The following CELA1 variants were observed in gnomAD, a reference collection of about 807,000 sequenced individuals.
CELA1 encodes the protein chymotrypsin-like elastase family member 1.
In CELA1, 28 loss-of-function variants were observed where a neutral mutation model predicts 34.8. The ratio of observed to expected loss-of-function variants is 0.80; its 90% CI spans 0.60 to 1.10. CELA1 has a LOEUF of 1.10. CELA1 is among the 50% of genes least tolerant of loss of function. The pLI, the probability that CELA1 is intolerant of heterozygous loss-of-function variation, is 0.00. For missense variants in CELA1, 288 were observed against 327.5 expected (o/e 0.88, Z 0.93); for synonymous variants, 140 against 129.8 (o/e 1.08, Z -0.53).
intron 2 of CELA1, among the ~76,000 whole-genome samples, chr12:51,344,449 T>A (rs967404999): frequency 1.3e-5 from 2 of 152,206 alleles, no homozygotes; most frequent in Admixed American, 1.3e-4. Flanking sequence ...TCCTAGCACA[T>A]TGGGAGGCCA....
At position 51,342,674 on chromosome 12, in the gene CELA1, C is replaced by G; in HGVS notation, c.227G>C (p.Gly76Ala). The G allele has an allele frequency of 6.2e-7, 1 of 1,614,178 alleles. No homozygotes were observed. Among genetic ancestry groups the G allele is most frequent in the Non-Finnish European group, 8.5e-7 (1 of 1,180,014 alleles). ...DYQKTFRVVAGDHNLSQNDGT... is the reference protein window; with the variant it reads ...DYQKTFRVVAADHNLSQNDGT... The stretch of plus-strand genomic sequence containing the variant: ...ATCATTCTGGCTCAGGTTATGGTCT[C>G]CAGCCACCACGCGGAAAGTCTTCTG... The change falls in exon 4 of 8, where the codon GGA (glycine) becomes GCA (alanine). Residue 76 changes from glycine (G) to alanine (A), a missense_variant. Transcript: ENST00000293636.
Position 51,342,707 on chromosome 12 carries a change from TGA to T in CELA1, c.201-9_201-8del, listed in dbSNP as rs1200639076. Reference sequence around the variant, plus strand: ...CACGCGGAAAGTCTTCTGGCTGGCGTGAGAGAAGGAATCCCTGAGTCATCCAG... The same window carrying T: ...CACGCGGAAAGTCTTCTGGCTGGCGTGAGAAGGAATCCCTGAGTCATCCAG... On this transcript the variant is annotated splice_polypyrimidine_tract_variant and splice_region_variant and intron_variant, in intron 3 of 7. Coordinates refer to ENST00000293636, the MANE Select transcript of CELA1 (RefSeq NM_001971.6). 5 of 1,613,908 alleles carry T rather than the reference TGA, an allele frequency of 3.1e-6. No individual in the cohort carries two copies. Among genetic ancestry groups the T allele is most frequent in the Non-Finnish European group, 4.2e-6 (5 of 1,179,930 alleles).
chr12:51,328,704 G>T, intron 7 of CELA1, 110 bp from the exon 8 acceptor site: 1 of 1,249,616 alleles, frequency 8.0e-7, no homozygotes, highest in Non-Finnish European at 1.2e-6. Context: ...ATGGGAAGTT[G>T]ACAGGGTGTG....
In CELA1 at chr12:51,329,720, G is replaced by A. The variant is rs765235355; in HGVS notation, c.723C>T (p.Phe241=). 48 of 1,613,736 alleles carry A rather than the reference G, an allele frequency of 3.0e-5. No homozygotes were observed. Among genetic ancestry groups the A allele is most frequent in the Non-Finnish European group, 4.0e-5 (47 of 1,179,936 alleles). The change falls in exon 7 of 8, where the codon TTC becomes TTT. Residue 241 remains phenylalanine, a synonymous_variant. Transcript: ENST00000293636. The stretch of plus-strand genomic sequence containing the variant: ...AGGAGATGTAAGCAGAGACCTGGGT[G>A]AAGACTGTAGGCTTCCTGGAGACAT... ...GCNVSRKPTV[F]TQVSAYISWI...
intron 4 of CELA1, among the ~76,000 whole-genome samples, 158 bp downstream of exon 4, chr12:51,342,417 C>T (rs1287640763): frequency 6.6e-6 from 1 of 152,242 alleles, no homozygotes; most frequent in Non-Finnish European, 1.5e-5. Context: ...CTCTCAGGCT[C>T]AGCTGGGCTC....
In CELA1 at chr12:51,339,952, A is replaced by G. The variant is rs761756027; in HGVS notation, c.517T>C (p.Tyr173His). The G allele has an allele frequency of 1.9e-6, 3 of 1,614,172 alleles. No homozygotes were observed. The East Asian group carries it at 6.7e-5, about 36-fold the overall frequency. Residue 173 changes from tyrosine to histidine, a missense_variant, in exon 6 of 8, where the codon TAC (tyrosine) becomes CAC (histidine). Transcript: ENST00000293636. ...TAGGAGGAGCTGGAGCAGATGGCGT[A>G]GTCCACAGAGGGCAGGTAAGCCTGC... ...LQQAYLPSVD[Y>H]AICSSSSYWG...
chr12:51,333,274 A>C (rs763995879), intron 6 of CELA1, among the ~76,000 whole-genome samples: 1 of 151,662 alleles, frequency 6.6e-6, no homozygotes, highest in Non-Finnish European at 1.5e-5. Context: ...TTGCATTTTT[A>C]GTAGAGATGG....
chr12:51,345,834 G>A lies in CELA1; in HGVS notation c.60C>T (p.Val20=), dbSNP rs181750918. 497 of 1,559,566 alleles carry A rather than the reference G, an allele frequency of 3.2e-4. No individual in the cohort carries two copies. The highest frequency in any genetic ancestry group is 4.2e-4 in the Non-Finnish European group (479 of 1,150,924). ...QDLPETNARV[V]GGTEAGRNSW... ...AATTCCTCCCGGCCTCAGTCCCTCC[G>A]ACTACGCGGGCATTGGTTTCCGGAA... The change falls in exon 2 of 8, where the codon GTC becomes GTT. Residue 20 remains valine (V), a synonymous_variant. Coordinates refer to ENST00000293636, the MANE Select transcript of CELA1 (RefSeq NM_001971.6).
intron 7 of CELA1, among the ~76,000 whole-genome samples, chr12:51,329,281 C>A (rs1459463129): frequency 1.3e-5 from 2 of 149,474 alleles, no homozygotes; most frequent in Admixed American, 6.7e-5. Context: ...AAAGTTAGAG[C>A]AAATTATCAT....
At position 51,328,529 on chromosome 12, in the gene CELA1, G is replaced by A. The variant is rs1318830055; in HGVS notation, c.*48C>T. 5 of 1,604,364 alleles carry A rather than the reference G, an allele frequency of 3.1e-6. No individual in the cohort carries two copies. The highest frequency in any genetic ancestry group is 3.4e-6 in the Non-Finnish European group (4 of 1,171,214). On this transcript the variant is annotated 3_prime_UTR_variant, in exon 8 of 8. Coordinates refer to ENST00000293636, the MANE Select transcript of CELA1 (RefSeq NM_001971.6). ...TTACTTTTTGATCGCAAGTCCTACT[G>A]CAGATCTAAGAACCATTTTGGGAAG...
chr12:51,345,769 G>C (rs1175845666), intron 2 of CELA1, 26 bp downstream of exon 2: 1 of 1,514,520 alleles, frequency 6.6e-7, no homozygotes, highest in African/African-American at 1.4e-5. Context: ...TTGGGTGGAA[G>C]TCTGGGGCTG....
intron 6 of CELA1, among the ~76,000 whole-genome samples, chr12:51,330,346 T>C (rs1946462771): frequency 6.6e-6 from 1 of 152,212 alleles, no homozygotes; most frequent in Non-Finnish European, 1.5e-5. Context: ...AGTGATGTAT[T>C]AGGTCACATG....
chr12:51,340,050 C>T lies in CELA1; in HGVS notation c.464-45G>A. On this transcript the variant is annotated intron_variant, in intron 5 of 7. Coordinates refer to ENST00000293636, the MANE Select transcript of CELA1 (RefSeq NM_001971.6). ...TTGGCAGTCAGCTCCAGATGTGGTC[C>T]AGCAGAAAAACCTTCCACCCCTGCC... is the stretch of plus-strand genomic sequence containing the variant. 7.0e-6 allele frequency: 11 copies of T among 1,573,462 alleles called. 1 individual carries two copies. The highest frequency in any genetic ancestry group is 4.6e-5 in the East Asian group (2 of 43,456).
intron 2 of CELA1, among the ~76,000 whole-genome samples, chr12:51,345,036 A>T (rs1218346483): frequency 6.6e-6 from 1 of 152,118 alleles, no homozygotes; most frequent in Non-Finnish European, 1.5e-5. Flanking sequence ...GACGCAGGAG[A>T]ACTGCTTGAA....
chr12:51,341,150 C>T (rs1946531874), intron 5 of CELA1, 94 bp downstream of exon 5: 2 of 1,351,168 alleles, frequency 1.5e-6, no homozygotes, highest in Non-Finnish European at 2.1e-6. Context: ...GGTCTCTGGC[C>T]ATAAGCACCT....
chr12:51,337,593 T>C (rs1946508219), intron 6 of CELA1, among the ~76,000 whole-genome samples: 1 of 145,122 alleles, frequency 6.9e-6, no homozygotes, highest in South Asian at 2.2e-4. Flanking sequence ...AATGAGCAAC[T>C]GTGACTGTGT....
intron 7 of CELA1, among the ~76,000 whole-genome samples, chr12:51,329,483 G>A (rs1222055969): frequency 6.6e-6 from 1 of 152,080 alleles, no homozygotes; most frequent in African/African-American, 2.4e-5. Context: ...TCTGCTCTGT[G>A]GGTATGTGGA....
intron 5 of CELA1, 28 bp downstream of exon 5, chr12:51,341,216 G>A: frequency 6.2e-7 from 1 of 1,613,272 alleles, no homozygotes; most frequent in Non-Finnish European, 8.5e-7. Flanking sequence ...GATCCCCGTG[G>A]TGGATTGTGC....
chr12:51,334,662 C>T (rs1310723484), intron 6 of CELA1, among the ~76,000 whole-genome samples: 4 of 152,176 alleles, frequency 2.6e-5, no homozygotes. Flanking sequence ...TCTCGATCTC[C>T]TGACCTCGTG....
Sources: gnomAD v4.1 joint callset for allele counts (sites outside exome capture counted in the v4.1 genomes callset) on GRCh38, gnomAD v4.1.1 for gene constraint, MANE v1.5 for transcripts, NCBI Gene and HGNC (gene_info 2026-07-23, HGNC 2026-07-21) for gene names.